F5: variants seen among roughly 807,000 people sequenced by gnomAD.
F5 encodes the protein coagulation factor V.
A neutral mutation model predicts 216.4 loss-of-function variants in F5; 138 were observed. The observed-to-expected ratio is 0.64, with a 90% confidence interval of 0.56 to 0.73. The LOEUF is 0.73. Among genes scored for constraint, F5 ranks in the 30% least tolerant of loss-of-function variants. The pLI, the probability that F5 is intolerant of heterozygous loss-of-function variation, is 0.00. For missense variants in F5, 2,403 were observed against 2,674.0 expected (o/e 0.90, Z 2.24); for synonymous variants, 916 against 930.7 (o/e 0.98, Z 0.29).
rs149844576 is a variant in F5, at chr1:169,541,687, G to C, written c.3403C>G (p.Pro1135Ala). 2.5e-6 allele frequency: 4 copies of C among 1,613,934 alleles called. No individual in the cohort carries two copies. In the African/African-American group the frequency reaches 4.0e-5, roughly 16 times the overall value. Reference sequence around the variant, plus strand: ...TCTGAAGTAGAGTGCATTTGATCAGGGTCTTGAATGGGGAATGTTTGATAG... The same window carrying C: ...TCTGAAGTAGAGTGCATTTGATCAGCGTCTTGAATGGGGAATGTTTGATAG... ...EHYQTFPIQD[P>A]DQMHSTSDPS... is the part of the protein sequence containing the mutation. The change falls in exon 13 of 25, where the codon CCT (proline) becomes GCT (alanine). Residue 1135 changes from proline (P) to alanine (A), a missense_variant. By Grantham distance (27) the Pro-to-Ala change is conservative. Coordinates refer to ENST00000367797, the MANE Select transcript of F5 (RefSeq NM_000130.5).
chr1:169,521,006 C>G (rs577178500), intron 21 of F5, among the ~76,000 whole-genome samples: 5 of 152,176 alleles, frequency 3.3e-5, no homozygotes, highest in African/African-American at 9.6e-5. Context: ...TCATAAATCC[C>G]AGACTTAGAG....
chr1:169,532,409 C>T (rs1258057556), intron 14 of F5, among the ~76,000 whole-genome samples: 1 of 152,144 alleles, frequency 6.6e-6, no homozygotes, highest in Non-Finnish European at 1.5e-5. Context: ...TAAAGTATCT[C>T]TCTTCATTGG....
intron 1 of F5, among the ~76,000 whole-genome samples, chr1:169,583,262 T>C (rs1033667374): frequency 1.3e-5 from 2 of 152,184 alleles, no homozygotes; most frequent in African/African-American, 2.4e-5. Flanking sequence ...TGTCTTAAAC[T>C]CAAAGATGAG....
intron 14 of F5, 37 bp downstream of exon 14, chr1:169,536,469 T>C: frequency 6.3e-7 from 1 of 1,592,560 alleles, no homozygotes; most frequent in Non-Finnish European, 8.6e-7. Context: ...CTTGTGGAAA[T>C]TCCTCCGAAG....
intron 3 of F5, among the ~76,000 whole-genome samples, chr1:169,566,368 A>G (rs1660600997): frequency 6.6e-6 from 1 of 152,038 alleles, no homozygotes; most frequent in African/African-American, 2.4e-5. Context: ...AGGGTAGGAG[A>G]TAACTTTTGA....
intron 2 of F5, among the ~76,000 whole-genome samples, 169 bp downstream of exon 2, chr1:169,582,260 TCA>T (rs1480563507): frequency 6.6e-6 from 1 of 152,078 alleles, no homozygotes; most frequent in Non-Finnish European, 1.5e-5. Flanking sequence ...ACAAGGGGAC[TCA>T]CATTTTCATT....
At chr1:169,581,612 G>A (rs1660988187) in intron 2 of F5, among the ~76,000 whole-genome samples, 2 of 152,144 alleles carry the variant, frequency 1.3e-5, no homozygotes, top group South Asian at 4.1e-4. Flanking sequence ...GGGAAAGACA[G>A]CAGGTCTTCA....
In F5 at chr1:169,530,979, G is replaced by A; in HGVS notation, c.5015C>T (p.Ala1672Val). ...TGATTTTTCATAGGAAAGTCCATGG[G>A]CATGTAGAGAATACGGTCTGGATGC... ...NLASRPYSLH[A>V]HGLSYEKSSE... The change falls in exon 15 of 25, where the codon GCC becomes GTC. Residue 1672 changes from alanine to valine, a missense_variant. Physicochemically the swap from Ala to Val is moderately conservative, Grantham distance 64. This residue lies in a region of F5 where 659 missense variants were observed against 787.9 expected (regional missense o/e 0.84). Transcript: ENST00000367797. The A allele has an allele frequency of 6.2e-6, 10 of 1,613,666 alleles. No homozygotes were observed. Among genetic ancestry groups the A allele is most frequent in the East Asian group, 2.2e-5 (1 of 44,876 alleles).
intron 6 of F5, among the ~76,000 whole-genome samples, chr1:169,556,410 T>C (rs1487219201): frequency 1.6e-5 from 1 of 62,026 alleles, no homozygotes; most frequent in Non-Finnish European, 3.1e-5. Context: ...GAGATCTCTT[T>C]AGCTTTTGCT....
intron 2 of F5, among the ~76,000 whole-genome samples, chr1:169,574,045 A>G (rs749655940): frequency 3.9e-5 from 6 of 152,342 alleles, no homozygotes; most frequent in African/African-American, 1.4e-4. Context: ...AGCAATTTAC[A>G]TAGTATTTAC....
At position 169,535,839 on chromosome 1, in the gene F5, T is replaced by A. The variant is rs145126467; in HGVS notation, c.4971+667A>T. On this transcript the variant is annotated intron_variant, in intron 14 of 24. Coordinates refer to ENST00000367797, the MANE Select transcript of F5 (RefSeq NM_000130.5). ...AAATGGTCACTGAAAATGTAGTGAATGCTTACACAGGTATAGTAGATTATA... is the reference window on the plus strand; with the variant it reads ...AAATGGTCACTGAAAATGTAGTGAAAGCTTACACAGGTATAGTAGATTATA... Among the ~76,000 whole-genome samples the A allele has an allele frequency of 2.5e-3, 382 of 152,348 alleles. 2 individuals are homozygous for A. The highest frequency in any genetic ancestry group is 4.5e-3 in the Non-Finnish European group (307 of 68,030).
intron 6 of F5, among the ~76,000 whole-genome samples, chr1:169,556,427 A>AAAAAAAAAAAAAAAAAAAAAAC (rs1379527840): frequency 6.8e-6 from 1 of 147,428 alleles, no homozygotes; most frequent in Non-Finnish European, 1.5e-5. Flanking sequence ...TGCTTAATTA[A>AAAAAAAAAAAAAAAAAAAAAAC]AAAAAAAAAA....
At chr1:169,528,376 C>T (rs9332629) in intron 16 of F5, among the ~76,000 whole-genome samples, 8,341 of 152,240 alleles carry the variant, frequency 0.055, 351 homozygotes, top group Admixed American at 0.1. Flanking sequence ...TTTACAGTTC[C>T]GTGCTTTACC....
chr1:169,518,637 T>C, intron 22 of F5, 74 bp from the exon 23 acceptor site: 1 of 1,473,246 alleles, frequency 6.8e-7, no homozygotes, highest in East Asian at 2.3e-5. Context: ...GCAGAGGAGA[T>C]AAGAAATAAT....
At chr1:169,550,442 T>C (rs968089793) in intron 9 of F5, among the ~76,000 whole-genome samples, 198 bp downstream of exon 9, 3 of 152,046 alleles carry the variant, frequency 2.0e-5, no homozygotes, top group African/African-American at 7.2e-5. Context: ...ATGACACTAA[T>C]AAAAGACACC....
chr1:169,584,963 T>C (rs1661070289), intron 1 of F5, among the ~76,000 whole-genome samples: 1 of 152,186 alleles, frequency 6.6e-6, no homozygotes, highest in Admixed American at 6.5e-5. Flanking sequence ...TTTTGCTTGT[T>C]ATTTTCAACG....
chr1:169,534,401 C>T (rs761153372), intron 14 of F5, among the ~76,000 whole-genome samples: 2 of 152,202 alleles, frequency 1.3e-5, no homozygotes, highest in Non-Finnish European at 2.9e-5. Context: ...GGCGCAATGG[C>T]TCATGCCTGT....
intron 17 of F5, 131 bp from the exon 18 acceptor site, chr1:169,526,148 G>T: frequency 1.5e-6 from 1 of 661,404 alleles, no homozygotes; most frequent in East Asian, 2.9e-5. Context: ...TTTTTCTTTA[G>T]GTAGGACTGA....
intron 2 of F5, among the ~76,000 whole-genome samples, chr1:169,580,647 G>C (rs1018958909): frequency 6.6e-6 from 1 of 151,982 alleles, no homozygotes; most frequent in Non-Finnish European, 1.5e-5. Flanking sequence ...GCCTCCCAAA[G>C]TGCATGAGCC....
Sources: allele counts gnomAD v4.1 joint callset (sites outside exome capture counted in the v4.1 genomes callset), GRCh38; gene constraint gnomAD v4.1.1; regional missense constraint gnomAD v4.1.1; transcripts MANE v1.5; gene names NCBI Gene and HGNC (gene_info 2026-07-23, HGNC 2026-07-21).